Variants in CACNA1E observed in about 807,000 individuals in gnomAD.
The protein encoded by CACNA1E is voltage-dependent R-type calcium channel subunit alpha-1E.
A neutral mutation model predicts 259.2 loss-of-function variants in CACNA1E; 40 were observed. The observed-to-expected ratio is 0.15, with a 90% CI of 0.12 to 0.20. The LOEUF (loss-of-function observed/expected upper bound fraction) is 0.20, where lower values mean the gene tolerates loss of function less well. Among genes scored for constraint, CACNA1E ranks in the 10% least tolerant of loss-of-function variants. CACNA1E has a pLI of 1.00. For missense variants in CACNA1E, 1,874 were observed against 3,040.1 expected (o/e 0.62, Z 9.02); for synonymous variants, 1,104 against 1,138.5 (o/e 0.97, Z 0.61).
chr1:181,717,614 G>A (rs996064270), intron 11 of CACNA1E, among the ~76,000 whole-genome samples: 5 of 152,006 alleles, frequency 3.3e-5, no homozygotes, highest in Admixed American at 6.5e-5. Flanking sequence ...TTGAAATCCT[G>A]GGCAGGAAGT....
chr1:181,769,351 GA>G (rs10707692), intron 35 of CACNA1E, among the ~76,000 whole-genome samples: 65,383 of 134,566 alleles, frequency 0.49, 15,226 homozygotes, highest in East Asian at 0.56. Flanking sequence ...GTGAAAAGTT[GA>G]AAAAAAAAAA....
At chr1:181,389,258 A>C (rs1436512678) in intron 1 of CACNA1E, among the ~76,000 whole-genome samples, 4 of 152,204 alleles carry the variant, frequency 2.6e-5, no homozygotes, top group Non-Finnish European at 5.9e-5. Context: ...TAGCAGCACC[A>C]TCATCAACAG....
intron 1 of CACNA1E, among the ~76,000 whole-genome samples, chr1:181,409,618 T>C (rs939885306): frequency 6.6e-6 from 1 of 152,184 alleles, no homozygotes; most frequent in Non-Finnish European, 1.5e-5. Context: ...AGGCTAAGTA[T>C]AGATTCGAGT....
At position 181,801,895 on chromosome 1, in the gene CACNA1E, A is replaced by G. The variant is rs1259759965; in HGVS notation, c.*3061A>G. 1 of 152,272 alleles carries G rather than the reference A, an allele frequency of 6.6e-6. No homozygotes were observed. Among genetic ancestry groups the G allele is most frequent in the Non-Finnish European group, 1.5e-5 (1 of 68,068 alleles). The allele number at this position is 152,272 out of a possible 1,614,324, so 9.4% of individuals were successfully genotyped here. A position where few individuals can be genotyped will look rare whatever the true frequency, so the allele number is the denominator to read the frequency against. On this transcript the variant is annotated 3_prime_UTR_variant, in exon 48 of 48. Coordinates refer to ENST00000367573, the MANE Select transcript of CACNA1E (RefSeq NM_001205293.3). ...TCTCCTCAAAACAAGAGCAAAGCCA[A>G]GATAGAGGAAGGTAAAAGGAGGAGG...
At chr1:181,542,228 A>G (rs1668636238) in intron 3 of CACNA1E, among the ~76,000 whole-genome samples, 1 of 151,834 alleles carries the variant, frequency 6.6e-6, no homozygotes, top group Non-Finnish European at 1.5e-5. Context: ...GATCTTGAGC[A>G]AAAGATCCCC....
At chr1:181,335,281 C>T (rs901831605) in intron 1 of CACNA1E, among the ~76,000 whole-genome samples, 1 of 152,208 alleles carries the variant, frequency 6.6e-6, no homozygotes, top group South Asian at 2.1e-4. Flanking sequence ...TTGCCCTGCC[C>T]TTCCTTATCC....
chr1:181,408,801 A>T (rs1270646544), intron 1 of CACNA1E, among the ~76,000 whole-genome samples: 1 of 152,236 alleles, frequency 6.6e-6, no homozygotes, highest in Non-Finnish European at 1.5e-5. Context: ...CAAAGCTTTC[A>T]TTAGCTCGTT....
chr1:181,640,090 T>C (rs910016968), intron 6 of CACNA1E, among the ~76,000 whole-genome samples: 8 of 152,180 alleles, frequency 5.3e-5, no homozygotes, highest in Non-Finnish European at 1.2e-4. Flanking sequence ...ATAACAATTA[T>C]ATGGCACTAC....
intron 1 of CACNA1E, among the ~76,000 whole-genome samples, chr1:181,363,492 G>A (rs940767579): frequency 1.3e-5 from 2 of 152,302 alleles, no homozygotes; most frequent in East Asian, 1.9e-4. Flanking sequence ...GAAGTGCTTC[G>A]AGGAGACAGA....
chr1:181,389,733 G>A (rs988362448), intron 1 of CACNA1E, among the ~76,000 whole-genome samples: 1 of 152,214 alleles, frequency 6.6e-6, no homozygotes, highest in African/African-American at 2.4e-5. Context: ...CATCAGCCAT[G>A]TCTGGCACAG....
intron 2 of CACNA1E, among the ~76,000 whole-genome samples, chr1:181,436,698 T>G (rs1051280751): frequency 1.1e-4 from 17 of 152,104 alleles, no homozygotes; most frequent in African/African-American, 1.7e-4. Context: ...TTACAGAGGC[T>G]GGGGACGAGG....
intron 35 of CACNA1E, among the ~76,000 whole-genome samples, chr1:181,770,835 C>T (rs200771901): frequency 6.6e-6 from 1 of 151,954 alleles, no homozygotes; most frequent in Non-Finnish European, 1.5e-5. Flanking sequence ...GGCATCTGCC[C>T]AAGCCATAAA....
chr1:181,337,884 C>G (rs10910923), intron 1 of CACNA1E, among the ~76,000 whole-genome samples: 75,534 of 152,056 alleles, frequency 0.5, 19,221 homozygotes, highest in Non-Finnish European at 0.56. Context: ...CCAGCAGAAG[C>G]GTTGCTGGAT....
At chr1:181,355,244 G>A (rs761766433) in intron 1 of CACNA1E, among the ~76,000 whole-genome samples, 5 of 152,098 alleles carry the variant, frequency 3.3e-5, no homozygotes, top group African/African-American at 4.8e-5. Context: ...AGAAAAATGT[G>A]GAAAAATAAT....
chr1:181,676,192 G>A (rs1649358924), intron 7 of CACNA1E, among the ~76,000 whole-genome samples: 1 of 152,176 alleles, frequency 6.6e-6, no homozygotes, highest in Non-Finnish European at 1.5e-5. Context: ...TGAAAGCCAA[G>A]AAGGATTTGT....
intron 25 of CACNA1E, among the ~76,000 whole-genome samples, chr1:181,748,194 A>G (rs1335064920): frequency 2.0e-5 from 3 of 152,120 alleles, no homozygotes; most frequent in African/African-American, 7.2e-5. Context: ...TGTGGGAGTT[A>G]GGATGTGACA....
intron 3 of CACNA1E, among the ~76,000 whole-genome samples, chr1:181,572,345 G>T (rs1417567628): frequency 1.3e-5 from 2 of 152,174 alleles, no homozygotes; most frequent in Non-Finnish European, 2.9e-5. Context: ...AGAAAGACTT[G>T]TGCTGCATCA....
intron 1 of CACNA1E, among the ~76,000 whole-genome samples, chr1:181,491,980 G>A (rs1046260034): frequency 3.9e-5 from 6 of 152,236 alleles, no homozygotes; most frequent in African/African-American, 1.4e-4. Context: ...AGGAGGTGGT[G>A]TGAGGGCAGT....
chr1:181,468,526 C>T (rs1662290200), intron 2 of CACNA1E, among the ~76,000 whole-genome samples: 1 of 152,078 alleles, frequency 6.6e-6, no homozygotes, highest in Admixed American at 6.5e-5. Context: ...AACATGTATT[C>T]AGAGTCCACT....
Sources: gnomAD v4.1 joint callset for allele counts (sites outside exome capture counted in the v4.1 genomes callset) on GRCh38, gnomAD v4.1.1 for gene constraint, MANE v1.5 for transcripts, NCBI Gene and HGNC (gene_info 2026-07-23, HGNC 2026-07-21) for gene names.